Variants in NPAS2 observed in about 807,000 individuals in gnomAD.
NPAS2 encodes neuronal PAS domain-containing protein 2.
A neutral mutation model predicts 107.5 loss-of-function variants in NPAS2; 23 were observed. The ratio of observed to expected loss-of-function variants is 0.21; its 90% CI spans 0.15 to 0.30. The LOEUF (loss-of-function observed/expected upper bound fraction) is 0.30. Ranked by LOEUF, NPAS2 falls within the 10% of genes least tolerant of loss-of-function variation. The pLI, the probability that NPAS2 is intolerant of heterozygous loss-of-function variation, is 1.00. For missense variants in NPAS2, 756 were observed against 1,043.3 expected, an observed-to-expected ratio of 0.72 and a Z score of 3.79; for synonymous variants, 403 against 417.5, an observed-to-expected ratio of 0.97 and a Z score of 0.42.
At chr2:100,912,270 G>T (rs1296244576) in intron 2 of NPAS2, among the ~76,000 whole-genome samples, 1 of 150,326 alleles carries the variant, frequency 6.7e-6, no homozygotes, top group Non-Finnish European at 1.5e-5. Flanking sequence ...TTATTATTTT[G>T]CTCAGTTTAT....
At chr2:100,978,882 C>A (rs1677218672) in intron 15 of NPAS2, among the ~76,000 whole-genome samples, 1 of 152,204 alleles carries the variant, frequency 6.6e-6, no homozygotes. Flanking sequence ...CAGGGATGTG[C>A]TTCAGCAGGG....
chr2:100,863,552 G>A (rs945384648), intron 1 of NPAS2, among the ~76,000 whole-genome samples: 3 of 152,192 alleles, frequency 2.0e-5, no homozygotes, highest in East Asian at 1.9e-4. Context: ...CAGCTTGAGC[G>A]TCTCATGGGG....
chr2:100,990,394 G>A lies in NPAS2; in HGVS notation c.1966G>A (p.Asp656Asn), dbSNP rs1318896729. ...GACCACACCTGCTTCCACCTCCCAGGATGCCAGCCAGTGCCAGCCCAGCCC... is the reference window on the plus strand; with the variant it reads ...GACCACACCTGCTTCCACCTCCCAGAATGCCAGCCAGTGCCAGCCCAGCCC... ...NLTTPASTSQ[D>N]ASQCQPSPDF... The change falls in exon 18 of 21, where the codon GAT (aspartate) becomes AAT (asparagine). Residue 656 changes from aspartate to asparagine, a missense_variant. Asp to Asn is a conservative substitution (Grantham distance 23). This residue lies in a region of NPAS2 where 496 missense variants were observed against 594.4 expected (regional missense o/e 0.83). Coordinates refer to ENST00000335681, the MANE Select transcript of NPAS2 (RefSeq NM_002518.4). 6.2e-7 allele frequency: 1 copy of A among 1,614,210 alleles called. No individual in the cohort carries two copies. The highest frequency in any genetic ancestry group is 8.5e-7 in the Non-Finnish European group (1 of 1,180,036).
At position 100,973,452 on chromosome 2, in the gene NPAS2, T is replaced by C. The variant is rs375856839; in HGVS notation, c.1141-1351T>C. Among the ~76,000 whole-genome samples, 9 of 152,286 alleles carry C rather than the reference T, an allele frequency of 5.9e-5. No homozygotes were observed. In the East Asian group the frequency reaches 1.5e-3, roughly 26 times the overall value. On this transcript the variant is annotated intron_variant, in intron 12 of 20. Transcript: ENST00000335681. The stretch of plus-strand genomic sequence containing the variant: ...ACACATAATTCACAAACAGCCGTGG[T>C]CCAGGGACCCCGCTCTAAGGAGCCT...
chr2:100,849,063 C>G lies in NPAS2; in HGVS notation c.-23+28649C>G, dbSNP rs761599764. 7.2e-5 allele frequency among the ~76,000 whole-genome samples: 11 copies of G among 152,354 alleles called. No individual in the cohort carries two copies. In the East Asian group the frequency reaches 1.9e-3, roughly 27 times the overall value. On this transcript the variant is annotated intron_variant, in intron 1 of 20. Coordinates refer to ENST00000335681, the MANE Select transcript of NPAS2 (RefSeq NM_002518.4). ...TGCACACTTAAATCTACGTGTAACC[C>G]AAGTTTATAGACCTGCTGGGAAGTG...
chr2:100,945,161 A>G (rs1674810050), intron 5 of NPAS2, among the ~76,000 whole-genome samples: 1 of 152,304 alleles, frequency 6.6e-6, no homozygotes, highest in South Asian at 2.1e-4. Context: ...AGTTTCGTCC[A>G]TAAAGATAAA....
intron 19 of NPAS2, 125 bp from the exon 20 acceptor site, chr2:100,993,222 C>G (rs148867371): frequency 4.6e-6 from 4 of 872,932 alleles, no homozygotes; most frequent in Non-Finnish European, 6.9e-6. Context: ...CATGAGCCAC[C>G]GCGCCTGGCC....
At chr2:100,873,307 T>TATATACACAC (rs1280164445) in intron 1 of NPAS2, among the ~76,000 whole-genome samples, 22 of 41,898 alleles carry the variant, frequency 5.3e-4, no homozygotes, top group Admixed American at 3.5e-3. Context: ...TATATATATA[T>TATATACACAC]ACACACACAC....
intron 2 of NPAS2, among the ~76,000 whole-genome samples, chr2:100,915,680 G>T (rs1558868593): frequency 1.3e-5 from 2 of 152,160 alleles, no homozygotes; most frequent in Non-Finnish European, 2.9e-5. Flanking sequence ...TATTAACCCA[G>T]AATTCAACAT....
chr2:100,849,575 A>G (rs1014142559), intron 1 of NPAS2, among the ~76,000 whole-genome samples: 1 of 152,196 alleles, frequency 6.6e-6, no homozygotes, highest in African/African-American at 2.4e-5. Flanking sequence ...TCACAACATT[A>G]CTATAAAATG....
Position 100,854,873 on chromosome 2 carries a change from C to T in NPAS2, c.-23+34459C>T, listed in dbSNP as rs141196436. Among the ~76,000 whole-genome samples the T allele has an allele frequency of 4.9e-4, 74 of 152,248 alleles. 2 individuals are homozygous for T. In the East Asian group the frequency reaches 9.7e-3, roughly 20 times the overall value. ...GCTGTGCACAGTGTGGCTATTGAGACGCTGAAATGTTGAGTGCTGGACCCT... is the reference window on the plus strand; with the variant it reads ...GCTGTGCACAGTGTGGCTATTGAGATGCTGAAATGTTGAGTGCTGGACCCT... On this transcript the variant is annotated intron_variant, in intron 1 of 20. Transcript: ENST00000335681.
Position 100,842,081 on chromosome 2 carries a change from G to GCGCGCA in NPAS2, c.-23+21668_-23+21669insGCGCAC. ...TTCATGCATGAGTGTGCATGTACGC[G>GCGCGCA]CACACACACACACACACACACACAC... is the stretch of plus-strand genomic sequence containing the variant. On this transcript the variant is annotated intron_variant, in intron 1 of 20. Transcript: ENST00000335681. Among the ~76,000 whole-genome samples the GCGCGCA allele has an allele frequency of 4.7e-3, 697 of 148,898 alleles. 9 individuals carry two copies. The highest frequency in any genetic ancestry group is 0.016 in the African/African-American group (669 of 40,712).
chr2:100,891,119 C>A (rs929502845), intron 1 of NPAS2, among the ~76,000 whole-genome samples: 2 of 151,890 alleles, frequency 1.3e-5, no homozygotes, highest in Admixed American at 6.6e-5. Flanking sequence ...GTAGTCCCAG[C>A]TACTCGGGAG....
intron 1 of NPAS2, among the ~76,000 whole-genome samples, chr2:100,836,730 C>T (rs1278981265): frequency 6.6e-6 from 1 of 152,192 alleles, no homozygotes; most frequent in Non-Finnish European, 1.5e-5. Flanking sequence ...GGTTCTATGG[C>T]ATTGCAGCTT....
At chr2:100,970,180 C>T (rs1676455507) in intron 11 of NPAS2, among the ~76,000 whole-genome samples, 1 of 152,184 alleles carries the variant, frequency 6.6e-6, no homozygotes, top group South Asian at 2.1e-4. Context: ...CTGTTGCCAC[C>T]CAGCCTGGTC....
At chr2:100,855,583 G>A (rs1678504360) in intron 1 of NPAS2, among the ~76,000 whole-genome samples, 1 of 152,204 alleles carries the variant, frequency 6.6e-6, no homozygotes, top group African/African-American at 2.4e-5. Flanking sequence ...CCAGATGTGA[G>A]AAAGCACTTC....
intron 17 of NPAS2, 88 bp downstream of exon 17, chr2:100,988,364 C>T (rs1242718570): frequency 1.9e-5 from 22 of 1,162,594 alleles, no homozygotes; most frequent in African/African-American, 7.5e-5. Flanking sequence ...CTGCAGCCTA[C>T]GTGAACTGAG....
At chr2:100,876,238 C>T (rs1243513800) in intron 1 of NPAS2, among the ~76,000 whole-genome samples, 3 of 152,192 alleles carry the variant, frequency 2.0e-5, no homozygotes, top group African/African-American at 7.2e-5. Context: ...AACCTTTCTC[C>T]AGGGTGAACA....
At chr2:100,947,779 C>G (rs946569889) in intron 5 of NPAS2, among the ~76,000 whole-genome samples, 1 of 152,220 alleles carries the variant, frequency 6.6e-6, no homozygotes, top group African/African-American at 2.4e-5. Flanking sequence ...AGTTCCATAA[C>G]TTAAAGACCT....
Sources: gnomAD v4.1 joint callset for allele counts (sites outside exome capture counted in the v4.1 genomes callset) on GRCh38, gnomAD v4.1.1 for gene constraint, gnomAD v4.1.1 regional missense constraint, MANE v1.5 for transcripts, NCBI Gene and HGNC (gene_info 2026-07-23, HGNC 2026-07-21) for gene names.